NFATC2: variants seen among roughly 807,000 people sequenced by gnomAD.
NFATC2 encodes nuclear factor of activated T cells 2, also known as nuclear factor of activated T-cells, cytoplasmic 2.
NFATC2 carries 22 observed loss-of-function variants against 87.3 expected under a neutral mutation model. That is an observed-to-expected ratio of 0.25 (90% confidence interval 0.18 to 0.36). NFATC2 has a LOEUF of 0.36. Among genes scored for constraint, NFATC2 ranks in the 10% least tolerant of loss-of-function variants. The pLI is 1.00. For synonymous variants in NFATC2, 565 were observed against 542.2 expected (o/e 1.04, Z -0.58); for missense variants, 1,149 against 1,259.1 (o/e 0.91, Z 1.32).
At chr20:51,459,777 G>A (rs970843793) in intron 5 of NFATC2, among the ~76,000 whole-genome samples, 2 of 152,158 alleles carry the variant, frequency 1.3e-5, no homozygotes, top group African/African-American at 4.8e-5. Context: ...TACTTGGGTG[G>A]CTGAGGTGGG....
intron 5 of NFATC2, among the ~76,000 whole-genome samples, chr20:51,464,219 C>A (rs994716046): frequency 6.6e-6 from 1 of 152,206 alleles, no homozygotes; most frequent in African/African-American, 2.4e-5. Context: ...CAATGAGATC[C>A]GTCCACACTG....
At chr20:51,398,590 T>A in intron 10 of NFATC2, 53 bp downstream of exon 10, 2 of 1,359,950 alleles carry the variant, frequency 1.5e-6, no homozygotes, top group Non-Finnish European at 2.0e-6. Context: ...AAAATTCAAG[T>A]TAAGGAAACA....
intron 3 of NFATC2, among the ~76,000 whole-genome samples, chr20:51,494,581 C>T (rs2075957369): frequency 6.6e-6 from 1 of 152,096 alleles, no homozygotes; most frequent in Non-Finnish European, 1.5e-5. Context: ...CGGCTCCATC[C>T]TGAATCCTAG....
chr20:51,514,724 T>A (rs2076324777), intron 3 of NFATC2, among the ~76,000 whole-genome samples: 1 of 151,942 alleles, frequency 6.6e-6, no homozygotes, highest in Non-Finnish European at 1.5e-5. Flanking sequence ...AATACAAAAA[T>A]TAACCAGGCA....
chr20:51,454,284 T>C (rs999927224), intron 6 of NFATC2, among the ~76,000 whole-genome samples: 2 of 152,164 alleles, frequency 1.3e-5, no homozygotes, highest in African/African-American at 4.8e-5. Context: ...TGTAAAAAAG[T>C]AATTTTAAAA....
chr20:51,512,864 G>A (rs1398883100), intron 3 of NFATC2, among the ~76,000 whole-genome samples: 2 of 152,208 alleles, frequency 1.3e-5, no homozygotes, highest in Middle Eastern at 3.4e-3. Context: ...CAGAGAAGCC[G>A]GCGGAAGCAT....
intron 1 of NFATC2, among the ~76,000 whole-genome samples, chr20:51,551,993 C>G (rs1280877947): frequency 6.6e-6 from 1 of 150,756 alleles, no homozygotes; most frequent in Admixed American, 6.6e-5. Flanking sequence ...CGCCACTGCA[C>G]TCCAGCCTGG....
intron 3 of NFATC2, among the ~76,000 whole-genome samples, chr20:51,506,298 T>G (rs542891405): frequency 2.6e-5 from 4 of 152,258 alleles, no homozygotes; most frequent in Non-Finnish European, 5.9e-5. Flanking sequence ...GCTGCATGCC[T>G]GCCCAAGCCA....
At chr20:51,531,924 A>C (rs1054645964) in intron 1 of NFATC2, among the ~76,000 whole-genome samples, 2 of 152,172 alleles carry the variant, frequency 1.3e-5, no homozygotes, top group Non-Finnish European at 2.9e-5. Context: ...GCACTTTAGG[A>C]ATTCTCTTTT....
chr20:51,484,989 C>T (rs1989587153), intron 3 of NFATC2, among the ~76,000 whole-genome samples: 1 of 152,212 alleles, frequency 6.6e-6, no homozygotes, highest in African/African-American at 2.4e-5. Flanking sequence ...ACAAGTCAGG[C>T]TCTCTCAGTG....
chr20:51,394,081 G>A (rs1212719781), intron 10 of NFATC2, among the ~76,000 whole-genome samples: 1 of 152,134 alleles, frequency 6.6e-6, no homozygotes, highest in Non-Finnish European at 1.5e-5. Flanking sequence ...TTGCTATTGG[G>A]GGTGGTGAAG....
chr20:51,439,607 G>A (rs1300204788), intron 6 of NFATC2, among the ~76,000 whole-genome samples: 2 of 152,184 alleles, frequency 1.3e-5, no homozygotes, highest in Non-Finnish European at 2.9e-5. Flanking sequence ...GACGCCCATG[G>A]GGGGCAGGGG....
intron 1 of NFATC2, among the ~76,000 whole-genome samples, chr20:51,558,996 T>G (rs4140467): frequency 0.5 from 75,529 of 152,024 alleles, 19,155 homozygotes; most frequent in South Asian, 0.68. Flanking sequence ...AGAAAGTTCT[T>G]AATAAAGTTA....
intron 1 of NFATC2, among the ~76,000 whole-genome samples, chr20:51,551,685 A>G (rs1014376708): frequency 3.2e-5 from 2 of 62,110 alleles, no homozygotes; most frequent in Non-Finnish European, 4.9e-5. Context: ...CTTATCATGG[A>G]GTTTTGGCAT....
intron 3 of NFATC2, among the ~76,000 whole-genome samples, chr20:51,478,588 G>A (rs1184899617): frequency 6.6e-6 from 1 of 152,172 alleles, no homozygotes; most frequent in African/African-American, 2.4e-5. Context: ...CCTTATTAGA[G>A]TGACCAGCAC....
chr20:51,403,052 C>A (rs931245555), intron 9 of NFATC2, among the ~76,000 whole-genome samples: 3 of 152,240 alleles, frequency 2.0e-5, no homozygotes, highest in African/African-American at 2.4e-5. Flanking sequence ...ACACCTCCCC[C>A]CAACACATCC....
At chr20:51,471,077 T>C (rs1988160000) in intron 5 of NFATC2, among the ~76,000 whole-genome samples, 2 of 152,200 alleles carry the variant, frequency 1.3e-5, no homozygotes, top group South Asian at 4.2e-4. Flanking sequence ...AATGCCTTTT[T>C]AAAAAGAAAA....
chr20:51,455,726 G>A (rs1316893997), intron 5 of NFATC2, among the ~76,000 whole-genome samples: 5 of 31,290 alleles, frequency 1.6e-4, no homozygotes, highest in Admixed American at 4.1e-4. Flanking sequence ...GTGGGTGGGT[G>A]GATGGGTGGG....
chr20:51,419,112 T>C (rs1980503045), intron 9 of NFATC2, among the ~76,000 whole-genome samples: 1 of 152,206 alleles, frequency 6.6e-6, no homozygotes, highest in Non-Finnish European at 1.5e-5. Context: ...CAGTAGGGAT[T>C]CAATAAATAT....
Sources: allele counts gnomAD v4.1 joint callset (sites outside exome capture counted in the v4.1 genomes callset), GRCh38; gene constraint gnomAD v4.1.1; transcripts MANE v1.5; gene names NCBI Gene and HGNC (gene_info 2026-07-23, HGNC 2026-07-21).